G2E3: variants seen among roughly 807,000 people sequenced by gnomAD.
G2E3 encodes G2/M-phase specific E3 ubiquitin protein ligase, also known as G2/M phase-specific E3 ubiquitin-protein ligase.
In G2E3, 35 loss-of-function variants were observed where a neutral mutation model predicts 92.8. The observed-to-expected ratio is 0.38, with a 90% CI of 0.29 to 0.50. G2E3 has a LOEUF of 0.50. G2E3 is among the 20% of genes least tolerant of loss of function. The pLI is 0.94. For missense variants in G2E3, 554 were observed against 823.8 expected, an observed-to-expected ratio of 0.67 and a Z score of 4.01; for synonymous variants, 242 against 272.4, an observed-to-expected ratio of 0.89 and a Z score of 1.10.
chr14:30,599,470 G>T (rs1273597253), intron 8 of G2E3, among the ~76,000 whole-genome samples: 1 of 152,044 alleles, frequency 6.6e-6, no homozygotes, highest in Non-Finnish European at 1.5e-5. Flanking sequence ...CTCGTGATCT[G>T]CCCGCCTCGG....
intron 3 of G2E3, 89 bp from the exon 4 acceptor site, chr14:30,589,294 T>C (rs1469707262): frequency 5.5e-6 from 4 of 722,070 alleles, no homozygotes; most frequent in Admixed American, 2.3e-5. Context: ...ATGTCTGTTT[T>C]TTATTAGACT....
intron 1 of G2E3, among the ~76,000 whole-genome samples, chr14:30,567,324 A>G (rs771918397): frequency 6.6e-6 from 1 of 152,154 alleles, no homozygotes; most frequent in African/African-American, 2.4e-5. Flanking sequence ...GAGGTTCTTC[A>G]TTAGTGATTC....
At position 30,615,524 on chromosome 14, in the gene G2E3, T is replaced by A; in HGVS notation, c.1849T>A (p.Leu617Ile). 6.3e-7 allele frequency: 1 copy of A among 1,585,506 alleles called. No individual in the cohort carries two copies. Among genetic ancestry groups the A allele is most frequent in the Non-Finnish European group, 8.6e-7 (1 of 1,165,966 alleles). ...VKALGFWNSY[L>I]QAVEDGKSTT... is the part of the protein sequence containing the mutation. ...AGCTTTGGGGTTTTGGAACAGTTAC[T>A]TACAGGCTGTTGAAGGTATGTGGAT... The change falls in exon 14 of 15, where the codon TTA becomes ATA. Residue 617 changes from leucine (L) to isoleucine (I), a missense_variant. By Grantham distance (5) the Leu-to-Ile change is conservative. Around this residue, in one of 3 missense-constraint regions of G2E3, gnomAD observed 397 missense variants for 560.3 expected, o/e 0.71. Coordinates refer to ENST00000206595, the MANE Select transcript of G2E3 (RefSeq NM_017769.5).
At chr14:30,578,639 A>T (rs1880256520) in intron 1 of G2E3, among the ~76,000 whole-genome samples, 1 of 152,200 alleles carries the variant, frequency 6.6e-6, no homozygotes. Flanking sequence ...CGAATGACTA[A>T]AACATCCTTT....
chr14:30,602,163 A>T lies in G2E3; in HGVS notation c.1010+32A>T, dbSNP rs780970072. 3.3e-6 allele frequency: 5 copies of T among 1,534,802 alleles called. No individual in the cohort carries two copies. In the South Asian group the frequency reaches 5.9e-5, roughly 18 times the overall value. ...ATTTTGAATTGGAGAAATACATAAA[A>T]ATCTATTTGGAGAAAATTATGATAG... On this transcript the variant is annotated intron_variant, in intron 10 of 14. Transcript: ENST00000206595.
At chr14:30,570,793 G>A (rs946732736) in intron 1 of G2E3, among the ~76,000 whole-genome samples, 1 of 152,076 alleles carries the variant, frequency 6.6e-6, no homozygotes, top group Non-Finnish European at 1.5e-5. Context: ...GGCCTGCAGA[G>A]CCCCTTGCTC....
chr14:30,598,172 G>C (rs529142176), intron 7 of G2E3: 2 of 235,676 alleles, frequency 8.5e-6, no homozygotes, highest in Admixed American at 5.0e-5. Context: ...ATCACCCAAG[G>C]TCAGGAGTTC....
chr14:30,606,562 A>G (rs907818423), intron 11 of G2E3, among the ~76,000 whole-genome samples: 4 of 152,116 alleles, frequency 2.6e-5, no homozygotes, highest in Non-Finnish European at 5.9e-5. Context: ...TCCAAATAGT[A>G]ATGTTAACTC....
intron 6 of G2E3, among the ~76,000 whole-genome samples, 165 bp downstream of exon 6, chr14:30,593,804 T>C (rs1455294415): frequency 6.6e-6 from 1 of 152,176 alleles, no homozygotes; most frequent in East Asian, 1.9e-4. Context: ...CATACAAAAT[T>C]CACCCTATTT....
At chr14:30,575,421 T>C (rs1356601453) in intron 1 of G2E3, among the ~76,000 whole-genome samples, 2 of 152,168 alleles carry the variant, frequency 1.3e-5, no homozygotes. Flanking sequence ...GCCAACATTA[T>C]ACTGAATGGG....
chr14:30,611,945 T>G, intron 12 of G2E3: 1 of 290,084 alleles, frequency 3.4e-6, no homozygotes, highest in Non-Finnish European at 6.5e-6. Flanking sequence ...TATATAATTT[T>G]TCAATGTCAG....
chr14:30,565,300 A>G (rs1438490113), intron 1 of G2E3, among the ~76,000 whole-genome samples: 2 of 152,010 alleles, frequency 1.3e-5, no homozygotes, highest in Admixed American at 6.6e-5. Flanking sequence ...TATTTTGTTC[A>G]TTTTTAAGTT....
chr14:30,585,128 C>G (rs548182832), intron 2 of G2E3, among the ~76,000 whole-genome samples: 3 of 152,224 alleles, frequency 2.0e-5, no homozygotes, highest in Admixed American at 2.0e-4. Context: ...GCCACTGTAC[C>G]CAGACAATAG....
chr14:30,593,737 C>T, intron 6 of G2E3, 98 bp downstream of exon 6: 1 of 804,720 alleles, frequency 1.2e-6, no homozygotes, highest in South Asian at 1.7e-5. Flanking sequence ...TATATTACCT[C>T]TTACTACTTG....
At chr14:30,571,208 C>A (rs2138784583) in intron 1 of G2E3, among the ~76,000 whole-genome samples, 1 of 145,220 alleles carries the variant, frequency 6.9e-6, no homozygotes, top group East Asian at 2.1e-4. Flanking sequence ...ATGTGCATTT[C>A]CTTTATGACC....
intron 6 of G2E3, among the ~76,000 whole-genome samples, chr14:30,596,492 C>T (rs760654369): frequency 6.6e-6 from 1 of 152,188 alleles, no homozygotes; most frequent in African/African-American, 2.4e-5. Flanking sequence ...CATTCTCTCT[C>T]TTGCCGGGGA....
chr14:30,617,080 T>G lies in G2E3; in HGVS notation c.*546T>G, dbSNP rs1882346806. ...TTAGTTGTTTAAAATGTTTTTAGAT[T>G]ACTGATTTATATTAAGATGACCCAC... On this transcript the variant is annotated 3_prime_UTR_variant, in exon 15 of 15. Coordinates refer to ENST00000206595, the MANE Select transcript of G2E3 (RefSeq NM_017769.5). 1 of 152,408 alleles carries G rather than the reference T, an allele frequency of 6.6e-6. No individual in the cohort carries two copies. The highest frequency in any genetic ancestry group is 1.5e-5 in the Non-Finnish European group (1 of 68,204). 9.4% of individuals were successfully genotyped at this position (152,408 alleles called of 1,614,324 possible).
Position 30,605,626 on chromosome 14 carries a change from G to A in G2E3, c.1132G>A (p.Ala378Thr). The A allele has an allele frequency of 1.3e-6, 2 of 1,597,532 alleles. No individual in the cohort carries two copies. The highest frequency in any genetic ancestry group is 1.7e-6 in the Non-Finnish European group (2 of 1,165,756). ...CAATATCTGGAATAGTGCCTTAGAT[G>A]CATTCAGAAATCGAAACTTTAATCC... ...KANIWNSALD[A>T]FRNRNFNPSY... Residue 378 changes from alanine to threonine, a missense_variant, in exon 11 of 15, where the codon GCA becomes ACA. Coordinates refer to ENST00000206595, the MANE Select transcript of G2E3 (RefSeq NM_017769.5).
chr14:30,615,565 T>C, intron 14 of G2E3, 26 bp downstream of exon 14: 1 of 1,382,910 alleles, frequency 7.2e-7, no homozygotes, highest in Non-Finnish European at 9.8e-7. Context: ...ATTTTACTTT[T>C]AACGATCTCA....
Sources: gnomAD v4.1 joint callset for allele counts (sites outside exome capture counted in the v4.1 genomes callset) on GRCh38, gnomAD v4.1.1 for gene constraint, gnomAD v4.1.1 regional missense constraint, MANE v1.5 for transcripts, NCBI Gene and HGNC (gene_info 2026-07-23, HGNC 2026-07-21) for gene names.